MACROD2: variants seen among roughly 807,000 people sequenced by gnomAD.
MACROD2 encodes mono-ADP ribosylhydrolase 2, also known as ADP-ribose glycohydrolase MACROD2.
Under a neutral mutation model 70.4 loss-of-function variants are expected in MACROD2, and 36 were observed. The ratio of observed to expected loss-of-function variants is 0.51; its 90% CI spans 0.39 to 0.68. MACROD2 has a LOEUF of 0.68. MACROD2 is among the 30% of genes least tolerant of loss of function. MACROD2 has a pLI of 0.00. For missense variants in MACROD2, 496 were observed against 538.4 expected (o/e 0.92, Z 0.78); for synonymous variants, 172 against 178.8 (o/e 0.96, Z 0.30).
intron 3 of MACROD2, among the ~76,000 whole-genome samples, chr20:14,301,078 T>A (rs773177789): frequency 6.6e-6 from 1 of 152,194 alleles, no homozygotes; most frequent in East Asian, 1.9e-4. Context: ...GTATTCTTAA[T>A]TCTCCTCATT....
intron 8 of MACROD2, among the ~76,000 whole-genome samples, chr20:15,653,851 C>G (rs1044875047): frequency 2.6e-5 from 4 of 152,156 alleles, no homozygotes; most frequent in African/African-American, 9.7e-5. Context: ...TAACCCTCAG[C>G]ATTCTTTTGC....
chr20:14,162,442 C>G (rs1365086584), intron 3 of MACROD2, among the ~76,000 whole-genome samples: 1 of 152,064 alleles, frequency 6.6e-6, no homozygotes, highest in Non-Finnish European at 1.5e-5. Flanking sequence ...TATCTAGAGG[C>G]TAATTCTGAG....
chr20:14,464,830 T>C (rs2084421287), intron 3 of MACROD2, among the ~76,000 whole-genome samples: 2 of 152,198 alleles, frequency 1.3e-5, no homozygotes, highest in East Asian at 1.9e-4. Flanking sequence ...TTAGTTTCCA[T>C]GTAGTTGAGC....
intron 7 of MACROD2, among the ~76,000 whole-genome samples, chr20:15,447,051 CGTGTGT>C (rs57914856): frequency 0.18 from 26,862 of 146,542 alleles, 2,756 homozygotes; most frequent in Non-Finnish European, 0.25. Flanking sequence ...TAAGAGTGTG[CGTGTGT>C]GTGTGTGTGT....
At chr20:14,127,385 A>AC in intron 3 of MACROD2, 2 of 403,836 alleles carry the variant, frequency 5.0e-6, no homozygotes, top group East Asian at 8.4e-5. Context: ...CTGCCTCAGA[A>AC]CCCCTTTCCA....
intron 8 of MACROD2, among the ~76,000 whole-genome samples, chr20:15,575,355 C>T (rs1282818871): frequency 6.6e-6 from 1 of 152,070 alleles, no homozygotes; most frequent in Non-Finnish European, 1.5e-5. Flanking sequence ...TGAAGGAAGG[C>T]AAACATTTAC....
intron 4 of MACROD2, among the ~76,000 whole-genome samples, chr20:14,560,609 T>C (rs1979369570): frequency 6.6e-6 from 1 of 151,934 alleles, no homozygotes; most frequent in South Asian, 2.1e-4. Flanking sequence ...CATGTTTGAA[T>C]ATCACAAAGA....
At chr20:14,621,954 C>T (rs571812292) in intron 4 of MACROD2, 1 of 152,224 alleles carries the variant, frequency 6.6e-6, no homozygotes, top group African/African-American at 2.4e-5. Flanking sequence ...AATAATTTAA[C>T]ATTTGCCTCA....
intron 5 of MACROD2, among the ~76,000 whole-genome samples, chr20:15,026,878 A>G (rs934253052): frequency 6.6e-6 from 1 of 152,212 alleles, no homozygotes. Flanking sequence ...CTTAGTGGAA[A>G]TCAGGCTCAG....
intron 5 of MACROD2, among the ~76,000 whole-genome samples, chr20:14,952,272 A>G (rs2074482227): frequency 6.6e-6 from 1 of 152,108 alleles, no homozygotes. Context: ...GTTTAATTAC[A>G]TGAGTTGGAG....
chr20:15,213,746 G>A (rs1555793247), intron 5 of MACROD2, among the ~76,000 whole-genome samples: 1 of 152,132 alleles, frequency 6.6e-6, no homozygotes, highest in Non-Finnish European at 1.5e-5. Flanking sequence ...TGGTTTGTGA[G>A]AGGGGCCATC....
At chr20:15,170,309 A>G (rs2076414197) in intron 5 of MACROD2, among the ~76,000 whole-genome samples, 1 of 152,210 alleles carries the variant, frequency 6.6e-6, no homozygotes, top group Non-Finnish European at 1.5e-5. Flanking sequence ...AAGAAGTCAT[A>G]CAATATTTGA....
intron 4 of MACROD2, among the ~76,000 whole-genome samples, chr20:14,676,885 A>C (rs1041256950): frequency 2.3e-4 from 35 of 152,208 alleles, no homozygotes; most frequent in Admixed American, 3.9e-4. Context: ...TAAAGGGGAT[A>C]TCACCACTGA....
At chr20:15,314,248 A>C (rs1367417586) in intron 6 of MACROD2, among the ~76,000 whole-genome samples, 1 of 152,156 alleles carries the variant, frequency 6.6e-6, no homozygotes, top group African/African-American at 2.4e-5. Flanking sequence ...TCAAATGTTT[A>C]CAGCAACCAA....
intron 1 of MACROD2, among the ~76,000 whole-genome samples, chr20:13,998,899 G>T (rs1369938911): frequency 6.7e-6 from 1 of 149,616 alleles, no homozygotes; most frequent in Non-Finnish European, 1.5e-5. Flanking sequence ...AGGTTGGAGT[G>T]AGCTAAGATC....
chr20:15,409,272 G>A (rs1568785258), intron 6 of MACROD2, among the ~76,000 whole-genome samples: 2 of 152,074 alleles, frequency 1.3e-5, no homozygotes, highest in Non-Finnish European at 2.9e-5. Context: ...CCTAAGATTT[G>A]ACTACTCTAC....
chr20:14,786,210 G>GAGAGAGAGAGAGAGAA (rs1483603608), intron 5 of MACROD2, among the ~76,000 whole-genome samples: 3 of 149,530 alleles, frequency 2.0e-5, no homozygotes, highest in Admixed American at 2.0e-4. Flanking sequence ...AAGATAGAGA[G>GAGAGAGAGAGAGAGAA]AGAGAGAGAG....
intron 4 of MACROD2, among the ~76,000 whole-genome samples, chr20:14,634,667 T>C (rs751593759): frequency 4.6e-5 from 7 of 152,050 alleles, no homozygotes; most frequent in Non-Finnish European, 7.4e-5. Context: ...AGTCTGTAAA[T>C]GTTGTGGGGC....
At chr20:14,346,193 A>G (rs1000553347) in intron 3 of MACROD2, among the ~76,000 whole-genome samples, 5 of 151,726 alleles carry the variant, frequency 3.3e-5, no homozygotes, top group African/African-American at 1.2e-4. Flanking sequence ...AAAGTAACCT[A>G]ACTTTATCAC....
Sources: gnomAD v4.1 joint callset for allele counts (sites outside exome capture counted in the v4.1 genomes callset) on GRCh38, gnomAD v4.1.1 for gene constraint, MANE v1.5 for transcripts, NCBI Gene and HGNC (gene_info 2026-07-23, HGNC 2026-07-21) for gene names.